The following MLIP variants were observed in gnomAD, a reference collection of about 807,000 sequenced individuals.
The protein encoded by MLIP is muscular LMNA-interacting protein.
MLIP carries 79 observed loss-of-function variants against 84.8 expected under a neutral mutation model. That is an observed-to-expected ratio of 0.93 (90% CI 0.78 to 1.12). MLIP has a LOEUF of 1.12. Among genes scored for constraint, MLIP ranks in the 50% most tolerant of loss-of-function variants. The pLI is 0.00. For synonymous variants in MLIP, 504 were observed against 463.0 expected (o/e 1.09, Z -1.14); for missense variants, 1,257 against 1,160.6 (o/e 1.08, Z -1.21).
chr6:54,039,400 T>C (rs1764621193), intron 1 of MLIP, among the ~76,000 whole-genome samples: 1 of 151,946 alleles, frequency 6.6e-6, no homozygotes, highest in Admixed American at 6.6e-5. Context: ...TACTGAAATG[T>C]ATTAATGGTC....
intron 9 of MLIP, among the ~76,000 whole-genome samples, chr6:54,177,204 T>A (rs149313716): frequency 3.3e-4 from 50 of 152,230 alleles, no homozygotes; most frequent in Middle Eastern, 3.4e-3. Context: ...ACAAATGGGA[T>A]CTAATTAACG....
intron 13 of MLIP, 142 bp downstream of exon 13, chr6:54,257,503 G>T: frequency 4.9e-6 from 3 of 614,042 alleles, no homozygotes; most frequent in Non-Finnish European, 8.4e-6. Flanking sequence ...CACTCTGTCA[G>T]TCACAAGGAT....
At chr6:54,211,797 T>A (rs1779469769) in intron 11 of MLIP, among the ~76,000 whole-genome samples, 1 of 152,222 alleles carries the variant, frequency 6.6e-6, no homozygotes, top group Admixed American at 6.5e-5. Flanking sequence ...CAAATGGCAA[T>A]AATGCTGGCA....
At chr6:54,042,060 T>C (rs1764775183) in intron 1 of MLIP, among the ~76,000 whole-genome samples, 1 of 152,046 alleles carries the variant, frequency 6.6e-6, no homozygotes, top group South Asian at 2.1e-4. Context: ...GGGGGTAGGG[T>C]GGATCCCTTA....
chr6:54,041,348 T>A (rs546180752), intron 1 of MLIP, among the ~76,000 whole-genome samples: 29 of 152,150 alleles, frequency 1.9e-4, no homozygotes, highest in Non-Finnish European at 4.3e-4. Context: ...AAATTGTTCA[T>A]GATTTTTGGC....
At chr6:54,059,941 A>C (rs1765872124) in intron 1 of MLIP, among the ~76,000 whole-genome samples, 1 of 152,250 alleles carries the variant, frequency 6.6e-6, no homozygotes, top group Non-Finnish European at 1.5e-5. Flanking sequence ...TGATTGACTG[A>C]AAATGAGATC....
intron 11 of MLIP, among the ~76,000 whole-genome samples, chr6:54,221,735 A>C (rs944662204): frequency 2.0e-5 from 3 of 151,994 alleles, no homozygotes; most frequent in Admixed American, 1.3e-4. Flanking sequence ...AAATAGGCAA[A>C]AGTAGATCAT....
Position 54,111,627 on chromosome 6 carries a change from C to A in MLIP, c.96+52C>A, listed in dbSNP as rs907774123. On this transcript the variant is annotated intron_variant, in intron 1 of 13. Coordinates refer to ENST00000502396, the MANE Select transcript of MLIP (RefSeq NM_001281747.2). The stretch of plus-strand genomic sequence containing the variant: ...TTCAGTAACTTTTAAAAGCAGTGTA[C>A]GGTGCTGGTGGTATTTGCTGCAAGG... The A allele has an allele frequency of 1.3e-5, 20 of 1,516,572 alleles. No homozygotes were observed. The African/African-American group carries it at 2.8e-4, about 21-fold the overall frequency. The allele number at this position is 1,516,572 out of a possible 1,614,324, so 93.9% of individuals were successfully genotyped here. A position where few individuals can be genotyped will look rare whatever the true frequency, so the allele number is the denominator to read the frequency against.
chr6:54,244,105 GA>G (rs149311780), intron 12 of MLIP, among the ~76,000 whole-genome samples: 2,230 of 152,138 alleles, frequency 0.015, 56 homozygotes, highest in African/African-American at 0.051. Flanking sequence ...TTGAATTTTG[GA>G]GGCAAAAACA....
rs1777752293 is a variant in MLIP, at chr6:54,189,932, C to T, written c.2589+18C>T. ...GTCAGCTGGTATGTATCTTCTAAGT[C>T]ACAGATCTACTGCAAATTCTGATCT... On this transcript the variant is annotated intron_variant, in intron 10 of 13. Coordinates refer to ENST00000502396, the MANE Select transcript of MLIP (RefSeq NM_001281747.2). The T allele has an allele frequency of 6.4e-7, 1 of 1,565,206 alleles. No homozygotes were observed. Among genetic ancestry groups the T allele is most frequent in the African/African-American group, 1.3e-5 (1 of 74,252 alleles).
chr6:54,124,883 G>T lies in MLIP; in HGVS notation c.645+18G>T. The T allele has an allele frequency of 1.3e-6, 2 of 1,547,438 alleles. No homozygotes were observed. The highest frequency in any genetic ancestry group is 1.7e-6 in the Non-Finnish European group (2 of 1,149,768). ...ATGGGCAGGTAGGTTTTGTGTTCCT[G>T]CTGTCCATAAGGAAAAAAAAAGCGT... On this transcript the variant is annotated intron_variant, in intron 3 of 13. Transcript: ENST00000502396.
intron 1 of MLIP, chr6:54,040,983 T>A (rs551506347): frequency 6.6e-6 from 1 of 152,030 alleles, no homozygotes; most frequent in Admixed American, 6.6e-5. Context: ...ACTACGTGGG[T>A]GAGGGGATCA....
chr6:54,035,828 T>A (rs569142276), intron 1 of MLIP, among the ~76,000 whole-genome samples: 2 of 152,142 alleles, frequency 1.3e-5, no homozygotes, highest in East Asian at 3.9e-4. Context: ...TTTCTTCTTG[T>A]TAAGTTTTAA....
At chr6:54,139,177 C>T (rs773730451) in intron 4 of MLIP, among the ~76,000 whole-genome samples, 5 of 151,606 alleles carry the variant, frequency 3.3e-5, no homozygotes, top group South Asian at 2.1e-4. Context: ...TTTTTTTTGT[C>T]TTAGAATAAT....
At chr6:54,085,814 T>C (rs1767448582) in intron 1 of MLIP, among the ~76,000 whole-genome samples, 2 of 152,112 alleles carry the variant, frequency 1.3e-5, no homozygotes, top group Admixed American at 6.6e-5. Flanking sequence ...GTTACCAGAG[T>C]TCTAGCCTCA....
chr6:54,045,496 T>C (rs1425528936), intron 1 of MLIP: 2 of 152,186 alleles, frequency 1.3e-5, no homozygotes, highest in Non-Finnish European at 2.9e-5. Context: ...CTGGTAGACT[T>C]GTCATGAATG....
intron 3 of MLIP, among the ~76,000 whole-genome samples, chr6:54,135,238 T>C (rs1771700605): frequency 1.3e-5 from 2 of 152,116 alleles, no homozygotes; most frequent in Non-Finnish European, 2.9e-5. Flanking sequence ...TGCTAAGCTT[T>C]CTTCTTCCAT....
intron 1 of MLIP, among the ~76,000 whole-genome samples, chr6:54,085,334 T>C (rs1269310614): frequency 6.6e-6 from 1 of 152,230 alleles, no homozygotes; most frequent in Non-Finnish European, 1.5e-5. Context: ...TATTGCTTGC[T>C]GTATGACCTT....
chr6:54,087,464 CA>C (rs1275100333), intron 1 of MLIP, among the ~76,000 whole-genome samples: 2 of 151,680 alleles, frequency 1.3e-5, no homozygotes, highest in Non-Finnish European at 2.9e-5. Flanking sequence ...TTATTTGATG[CA>C]AAAAAGAAAC....
Sources: gnomAD v4.1 joint callset for allele counts (sites outside exome capture counted in the v4.1 genomes callset) on GRCh38, gnomAD v4.1.1 for gene constraint, MANE v1.5 for transcripts, NCBI Gene and HGNC (gene_info 2026-07-23, HGNC 2026-07-21) for gene names.